Variants in USP25 observed in about 807,000 individuals in gnomAD.
USP25 encodes ubiquitin specific peptidase 25.
In USP25, 85 loss-of-function variants were observed where a neutral mutation model predicts 158.5. The observed-to-expected ratio is 0.54, with a 90% CI of 0.45 to 0.64. The LOEUF (loss-of-function observed/expected upper bound fraction) is 0.64, where lower values mean the gene tolerates loss of function less well. Ranked by LOEUF, USP25 falls within the 30% of genes least tolerant of loss-of-function variation. USP25 has a pLI of 0.00. For missense variants in USP25, 1,242 were observed against 1,327.3 expected (o/e 0.94, Z 1.00); for synonymous variants, 464 against 460.4 (o/e 1.01, Z -0.10).
At position 15,875,778 on chromosome 21, in the gene USP25, C is replaced by G. The variant is rs1246696801; in HGVS notation, c.3009+1252C>G. On this transcript the variant is annotated intron_variant, in intron 24 of 25. Coordinates refer to ENST00000400183, the MANE Select transcript of USP25 (RefSeq NM_001283041.3). The surrounding 1 kb of genome is among the most constrained non-coding windows in gnomAD (Gnocchi z 4.7). ...GGTGGAAGTGATGAAGCTGACAATA[C>G]TTGTCGATGTCAGATGATGAAGAAA... Among the ~76,000 whole-genome samples, 1 of 152,206 alleles carries G rather than the reference C, an allele frequency of 6.6e-6. No individual in the cohort carries two copies. Among genetic ancestry groups the G allele is most frequent in the Non-Finnish European group, 1.5e-5 (1 of 68,040 alleles).
At chr21:15,763,492 G>A (rs1210477996) in intron 2 of USP25, among the ~76,000 whole-genome samples, 1 of 152,008 alleles carries the variant, frequency 6.6e-6, no homozygotes, top group Admixed American at 6.6e-5. Flanking sequence ...TATCATTTTG[G>A]TCATATCTTA....
At position 15,730,325 on chromosome 21, in the gene USP25, A is replaced by G. The variant is rs925156631; in HGVS notation, c.-69A>G. On this transcript the variant is annotated 5_prime_UTR_variant, in exon 1 of 26. Transcript: ENST00000400183. ...TCCCTGGAGCTCGGCGGAGCGCGGC[A>G]GCCAGGGCCGGCGGAGGCGCGAGGA... 4 of 1,059,208 alleles carry G rather than the reference A, an allele frequency of 3.8e-6. No individual in the cohort carries two copies. The highest frequency in any genetic ancestry group is 4.5e-6 in the Non-Finnish European group (4 of 879,226). 65.6% of individuals were successfully genotyped at this position (1,059,208 alleles called of 1,614,324 possible).
chr21:15,746,423 T>TTTTTTA (rs989657900), intron 1 of USP25, among the ~76,000 whole-genome samples: 2 of 152,158 alleles, frequency 1.3e-5, no homozygotes, highest in African/African-American at 4.8e-5. Context: ...GTAAGTGGTA[T>TTTTTTA]TTTTTATTTT....
In USP25 at chr21:15,800,259, A is replaced by G. The variant is rs927931829; in HGVS notation, c.642+416A>G. Among the ~76,000 whole-genome samples the G allele has an allele frequency of 6.6e-5, 10 of 151,382 alleles. No individual in the cohort carries two copies. In the South Asian group the frequency reaches 1.7e-3, roughly 25 times the overall value. On this transcript the variant is annotated intron_variant, in intron 6 of 25. Coordinates refer to ENST00000400183, the MANE Select transcript of USP25 (RefSeq NM_001283041.3). ...TCATGTCTTTGCAGTACAAATCTGT[A>G]TCTTTCATTTTGGAAGTGACTGTCA...
rs1377241370 is a variant in USP25, at chr21:15,877,807, G to A, written c.3021G>A (p.Glu1007=). The A allele has an allele frequency of 1.1e-5, 18 of 1,598,426 alleles. No individual in the cohort carries two copies. Among genetic ancestry groups the A allele is most frequent in the East Asian group, 6.7e-5 (3 of 44,630 alleles). The change falls in exon 25 of 26, where the codon GAG becomes GAA. Residue 1007 remains glutamate, a synonymous_variant. Transcript: ENST00000400183. ...YRRECLLKLN[E]QAAELFESGE... is the part of the protein sequence containing the mutation. ...TGCATTGCATTAAGAAATTAAATGA[G>A]CAAGCCGCAGAACTCTTCGAATCTG...
chr21:15,791,165 T>C (rs2035569296), intron 4 of USP25, among the ~76,000 whole-genome samples: 1 of 151,900 alleles, frequency 6.6e-6, no homozygotes, highest in Admixed American at 6.6e-5. Flanking sequence ...ATATTGTAAA[T>C]ATGTACTTTA....
intron 6 of USP25, 134 bp from the exon 7 acceptor site, chr21:15,804,987 A>T (rs2036308670): frequency 9.0e-6 from 8 of 888,966 alleles, no homozygotes; most frequent in Non-Finnish European, 1.1e-5. Flanking sequence ...TTCAATTATG[A>T]TAGAGTGCTA....
At position 15,833,388 on chromosome 21, in the gene USP25, A is replaced by G. The variant is rs779677269; in HGVS notation, c.2034A>G (p.Ile678Met). ...AAACTGGGCAGCCCCTTGTTGGTAT[A>G]GAAACATTACCACCGGATTTGAGAG... ...NKETGQPLVG[I>M]ETLPPDLRDF... Residue 678 changes from isoleucine (I) to methionine (M), a missense_variant, in exon 17 of 26, where the codon ATA becomes ATG. Coordinates refer to ENST00000400183, the MANE Select transcript of USP25 (RefSeq NM_001283041.3). 1.1e-5 allele frequency: 17 copies of G among 1,613,924 alleles called. No individual in the cohort carries two copies. In the East Asian group the frequency reaches 2.7e-4, roughly 25 times the overall value.
chr21:15,798,461 A>G (rs2035969461), intron 5 of USP25, among the ~76,000 whole-genome samples: 1 of 151,126 alleles, frequency 6.6e-6, no homozygotes, highest in Non-Finnish European at 1.5e-5. Context: ...TGTGATTTTT[A>G]AATGGTGCTT....
intron 3 of USP25, among the ~76,000 whole-genome samples, chr21:15,769,763 G>T (rs967256249): frequency 6.6e-6 from 1 of 151,846 alleles, no homozygotes; most frequent in African/African-American, 2.4e-5. Flanking sequence ...AAATTCTTTC[G>T]AACATTTTTA....
chr21:15,827,256 T>A, intron 14 of USP25, 53 bp downstream of exon 14: 1 of 1,375,952 alleles, frequency 7.3e-7, no homozygotes, highest in Non-Finnish European at 1.0e-6. Context: ...ATATGTGTAA[T>A]GTTAATATTG....
intron 1 of USP25, among the ~76,000 whole-genome samples, chr21:15,756,229 C>T (rs1361423159): frequency 2.0e-5 from 3 of 152,134 alleles, no homozygotes; most frequent in Non-Finnish European, 2.9e-5. Flanking sequence ...CAATTTCGTT[C>T]CTTCTGGATG....
intron 6 of USP25, among the ~76,000 whole-genome samples, chr21:15,800,225 G>A (rs562576835): frequency 3.4e-4 from 52 of 151,142 alleles, no homozygotes; most frequent in East Asian, 7.8e-4. Flanking sequence ...TAAAAAATGC[G>A]TTTTGCATTC....
intron 4 of USP25, among the ~76,000 whole-genome samples, chr21:15,782,888 A>G (rs748990900): frequency 4.6e-5 from 7 of 152,232 alleles, no homozygotes; most frequent in Non-Finnish European, 7.3e-5. Context: ...ACCACAATGC[A>G]TCTTTAGTAA....
intron 20 of USP25, among the ~76,000 whole-genome samples, chr21:15,854,276 G>A (rs2039031216): frequency 6.6e-6 from 1 of 152,078 alleles, no homozygotes; most frequent in African/African-American, 2.4e-5. Flanking sequence ...CTCCTGAGTA[G>A]CTGAGACTAC....
intron 10 of USP25, among the ~76,000 whole-genome samples, chr21:15,820,163 G>C (rs2037160420): frequency 6.6e-6 from 1 of 152,054 alleles, no homozygotes; most frequent in Admixed American, 6.6e-5. Flanking sequence ...AATGGAATAA[G>C]AAAGCAGACT....
chr21:15,785,562 A>C (rs1008017300), intron 4 of USP25, among the ~76,000 whole-genome samples: 11 of 152,366 alleles, frequency 7.2e-5, no homozygotes, highest in Non-Finnish European at 1.6e-4. Flanking sequence ...TATGCACCTT[A>C]ATAACCAATG....
chr21:15,805,270 G>C lies in USP25; in HGVS notation c.780+12G>C, dbSNP rs1294345051. The C allele has an allele frequency of 6.3e-7, 1 of 1,578,150 alleles. No homozygotes were observed. On this transcript the variant is annotated intron_variant, in intron 7 of 25. Transcript: ENST00000400183. ...ATGACTCACAGCAGGTAGTTCTGTT[G>C]CACTGACTTGTTCATTAACCATTTG...
In USP25 at chr21:15,826,576, A is replaced by AT. The variant is rs201668420; in HGVS notation, c.1466+219dup. On this transcript the variant is annotated intron_variant, in intron 13 of 25. Transcript: ENST00000400183. This position sits in a 1 kb window ranked among gnomAD's most constrained non-coding sequence, Gnocchi z 4.8. Reference sequence around the variant, plus strand: ...GGTTATGGATTAAAATTTTAATCACATTTTTTTTCAGTTCAGAATTATACT... The same window carrying AT: ...GGTTATGGATTAAAATTTTAATCACATTTTTTTTTCAGTTCAGAATTATACT... Among the ~76,000 whole-genome samples the AT allele has an allele frequency of 4.1e-4, 61 of 150,342 alleles. No homozygotes were observed. Among genetic ancestry groups the AT allele is most frequent in the African/African-American group, 1.5e-3 (59 of 40,032 alleles).
Sources: allele counts gnomAD v4.1 joint callset (sites outside exome capture counted in the v4.1 genomes callset), GRCh38; gene constraint gnomAD v4.1.1; non-coding constraint Gnocchi (gnomAD v3.1); transcripts MANE v1.5; gene names NCBI Gene and HGNC (gene_info 2026-07-23, HGNC 2026-07-21).